Variants in ANXA10 observed in about 807,000 individuals in gnomAD.
ANXA10 encodes the protein annexin 14.
A neutral mutation model predicts 53.5 loss-of-function variants in ANXA10; 49 were observed. That is an observed-to-expected ratio of 0.92 (90% CI 0.73 to 1.16). The LOEUF (loss-of-function observed/expected upper bound fraction) is 1.16, where lower values mean the gene tolerates loss of function less well. Ranked by LOEUF, ANXA10 falls within the 50% of genes most tolerant of loss-of-function variation. The pLI, the probability that ANXA10 is intolerant of heterozygous loss-of-function variation, is 0.00. For missense variants in ANXA10, 393 were observed against 394.4 expected (o/e 1.00, Z 0.03); for synonymous variants, 131 against 128.9 (o/e 1.02, Z -0.11).
intron 10 of ANXA10, among the ~76,000 whole-genome samples, chr4:168,183,009 GAAAAAAAA>G (rs747151480): frequency 1.8e-4 from 17 of 93,384 alleles, no homozygotes; most frequent in Admixed American, 2.6e-4. Flanking sequence ...CACCGTCTCG[GAAAAAAAA>G]AAAAAAAAAA....
chr4:168,147,021 A>G (rs1391390957), intron 3 of ANXA10, among the ~76,000 whole-genome samples: 2 of 152,182 alleles, frequency 1.3e-5, no homozygotes, highest in African/African-American at 4.8e-5. Context: ...GAACCAGGCC[A>G]TGGCATTTAG....
chr4:168,155,862 GATATATC>G (rs1560783932), intron 3 of ANXA10, among the ~76,000 whole-genome samples: 97 of 4,856 alleles, frequency 0.02, no homozygotes, highest in Non-Finnish European at 0.023. Flanking sequence ...TATCATATAT[GATATATC>G]ATATATTATA....
intron 2 of ANXA10, among the ~76,000 whole-genome samples, chr4:168,135,306 A>G (rs1705999668): frequency 6.6e-6 from 1 of 152,220 alleles, no homozygotes; most frequent in South Asian, 2.1e-4. Context: ...TAGGAAATAC[A>G]GTTTCTATCT....
At chr4:168,126,460 C>G (rs1731071079) in intron 1 of ANXA10, among the ~76,000 whole-genome samples, 1 of 152,112 alleles carries the variant, frequency 6.6e-6, no homozygotes, top group African/African-American at 2.4e-5. Flanking sequence ...CAAATTGTAT[C>G]ACTCTCTTAC....
At chr4:168,125,085 A>C (rs1007923291) in intron 1 of ANXA10, among the ~76,000 whole-genome samples, 1 of 152,194 alleles carries the variant, frequency 6.6e-6, no homozygotes, top group African/African-American at 2.4e-5. Flanking sequence ...CTGTGTTTAA[A>C]GCCATTGAAA....
intron 6 of ANXA10, among the ~76,000 whole-genome samples, chr4:168,170,759 C>G (rs1004041899): frequency 1.3e-5 from 2 of 152,016 alleles, no homozygotes; most frequent in African/African-American, 4.8e-5. Context: ...ACATTATATA[C>G]TTACAAAGTT....
At chr4:168,119,784 TC>T (rs1372017838) in intron 1 of ANXA10, among the ~76,000 whole-genome samples, 2 of 152,074 alleles carry the variant, frequency 1.3e-5, no homozygotes, top group Admixed American at 1.3e-4. Flanking sequence ...TTTGGTTGTG[TC>T]CCCCAAACAA....
At chr4:168,137,868 T>C (rs1317043646) in intron 2 of ANXA10, among the ~76,000 whole-genome samples, 2 of 152,176 alleles carry the variant, frequency 1.3e-5, no homozygotes, top group African/African-American at 4.8e-5. Context: ...TTCATACTGT[T>C]TCCCACAAAG....
At chr4:168,094,502 TA>T (rs1730512055) in intron 1 of ANXA10, among the ~76,000 whole-genome samples, 1 of 152,148 alleles carries the variant, frequency 6.6e-6, no homozygotes, top group Admixed American at 6.5e-5. Flanking sequence ...CTTATCTCTT[TA>T]ATCGGATGTT....
intron 8 of ANXA10, 190 bp downstream of exon 8, chr4:168,178,173 C>A: frequency 1.8e-6 from 1 of 550,520 alleles, no homozygotes; most frequent in South Asian, 2.6e-5. Flanking sequence ...TAAATATTTC[C>A]TTAATATTTT....
intron 11 of ANXA10, 43 bp downstream of exon 11, chr4:168,184,724 C>T: frequency 6.2e-7 from 1 of 1,601,078 alleles, no homozygotes. Flanking sequence ...ACATTTTCTC[C>T]TTTTTGAAAC....
At chr4:168,115,875 T>C (rs184065355) in intron 1 of ANXA10, among the ~76,000 whole-genome samples, 438 of 152,286 alleles carry the variant, frequency 2.9e-3, no homozygotes, top group Middle Eastern at 0.02. Context: ...CAGGTGAAGA[T>C]GCCTAGAGCA....
chr4:168,163,959 T>C lies in ANXA10; in HGVS notation c.310-239T>C, dbSNP rs545898000. Among the ~76,000 whole-genome samples the C allele has an allele frequency of 2.6e-5, 4 of 152,332 alleles. No individual in the cohort carries two copies. The South Asian group carries it at 8.3e-4, about 32-fold the overall frequency. ...TCTCCACATTGTTTAGAAATGCTCA[T>C]ACTGTTTTATTCTAAATGAAGAAAC... On this transcript the variant is annotated intron_variant, in intron 4 of 11. Transcript: ENST00000359299.
intron 3 of ANXA10, among the ~76,000 whole-genome samples, chr4:168,155,848 AATATATC>A (rs1560783900): frequency 2.7e-4 from 3 of 11,306 alleles, no homozygotes; most frequent in African/African-American, 3.7e-4. Context: ...TATATAATAT[AATATATC>A]ATATATGATA....
chr4:168,159,385 T>G (rs1731743365), intron 3 of ANXA10, among the ~76,000 whole-genome samples: 1 of 152,164 alleles, frequency 6.6e-6, no homozygotes. Flanking sequence ...ATTTTTGTAT[T>G]ACAGCAATAC....
Position 168,110,313 on chromosome 4 carries a change from G to T in ANXA10, c.18+17595G>T, listed in dbSNP as rs1214861557. Among the ~76,000 whole-genome samples, 11 of 152,156 alleles carry T rather than the reference G, an allele frequency of 7.2e-5. No individual in the cohort carries two copies. The South Asian group carries it at 2.3e-3, about 32-fold the overall frequency. On this transcript the variant is annotated intron_variant, in intron 1 of 11. Coordinates refer to ENST00000359299, the MANE Select transcript of ANXA10 (RefSeq NM_007193.5). ...TAGAAAACCAATCAAGATAAAATGT[G>T]CTCCTTTTGTCTCCTTCATCCCCTG...
At chr4:168,141,872 T>C (rs1731331770) in intron 3 of ANXA10, among the ~76,000 whole-genome samples, 3 of 152,122 alleles carry the variant, frequency 2.0e-5, no homozygotes, top group Non-Finnish European at 4.4e-5. Context: ...GCCTTTTCCC[T>C]GCCTAGTTTC....
chr4:168,110,081 G>C (rs1425248363), intron 1 of ANXA10, among the ~76,000 whole-genome samples: 1 of 152,120 alleles, frequency 6.6e-6, no homozygotes, highest in Non-Finnish European at 1.5e-5. Flanking sequence ...CGTGGTGGCG[G>C]GTGCCTGTAA....
chr4:168,155,843 A>AAT (rs1560783888), intron 3 of ANXA10, among the ~76,000 whole-genome samples: 1 of 16,726 alleles, frequency 6.0e-5, no homozygotes, highest in Non-Finnish European at 9.5e-5. Context: ...TATCATATAT[A>AAT]ATATAATATA....
Sources: allele counts gnomAD v4.1 joint callset (sites outside exome capture counted in the v4.1 genomes callset), GRCh38; gene constraint gnomAD v4.1.1; transcripts MANE v1.5; gene names NCBI Gene and HGNC (gene_info 2026-07-23, HGNC 2026-07-21).